DPYD: variants seen among roughly 807,000 people sequenced by gnomAD.
DPYD encodes dihydropyrimidine dehydrogenase [NADP(+)].
In DPYD, 109 loss-of-function variants were observed where a neutral mutation model predicts 116.2. That is an observed-to-expected ratio of 0.94 (90% CI 0.80 to 1.10). The LOEUF is 1.10. Among genes scored for constraint, DPYD ranks in the 50% least tolerant of loss-of-function variants. The probability of loss-of-function intolerance (pLI) is 0.00; values close to 1 mark genes in which losing one functional copy is unlikely to be tolerated. For missense variants in DPYD, 1,302 were observed against 1,254.5 expected (o/e 1.04, Z -0.57); for synonymous variants, 440 against 432.0 (o/e 1.02, Z -0.23).
chr1:97,316,513 C>CAATAAAATAAAATAAAATAA (rs57832711), intron 16 of DPYD, among the ~76,000 whole-genome samples: 7,538 of 124,258 alleles, frequency 0.061, 462 homozygotes, highest in Admixed American at 0.15. Context: ...GACTCTGTCT[C>CAATAAAATAAAATAAAATAA]AATAAAATAA....
In DPYD at chr1:97,805,334, C is replaced by T. The variant is rs114526625; in HGVS notation, c.233+22780G>A. On this transcript the variant is annotated intron_variant, in intron 3 of 22. Transcript: ENST00000370192. Reference sequence around the variant, plus strand: ...ATAGAACATGAACATAGAGTGAGAACAGGACCAGGCACGAAACTTTCTTAC... The same window carrying T: ...ATAGAACATGAACATAGAGTGAGAATAGGACCAGGCACGAAACTTTCTTAC... Among the ~76,000 whole-genome samples the T allele has an allele frequency of 5.0e-3, 763 of 151,888 alleles. 7 individuals carry two copies. The highest frequency in any genetic ancestry group is 0.017 in the African/African-American group (707 of 41,498).
At chr1:97,117,412 T>C (rs1041549244) in intron 20 of DPYD, among the ~76,000 whole-genome samples, 1 of 152,226 alleles carries the variant, frequency 6.6e-6, no homozygotes, top group African/African-American at 2.4e-5. Context: ...TTTATTGCTA[T>C]ATAACTGCAG....
chr1:97,261,674 T>G (rs1047738084), intron 18 of DPYD, among the ~76,000 whole-genome samples: 3 of 151,984 alleles, frequency 2.0e-5, no homozygotes, highest in African/African-American at 7.2e-5. Context: ...AGTTAAGAGA[T>G]AAAACTGTGT....
At chr1:97,335,631 A>G (rs71512508) in intron 16 of DPYD, among the ~76,000 whole-genome samples, 2,332 of 152,252 alleles carry the variant, frequency 0.015, 37 homozygotes, top group South Asian at 0.024. Flanking sequence ...AAAGAGTTCC[A>G]TTTACCACAG....
At chr1:97,289,575 A>G (rs1665987348) in intron 18 of DPYD, among the ~76,000 whole-genome samples, 1 of 151,964 alleles carries the variant, frequency 6.6e-6, no homozygotes, top group South Asian at 2.1e-4. Context: ...AAACAGAACC[A>G]AAGACAAAAA....
chr1:97,704,143 G>C (rs1388377367), intron 5 of DPYD, among the ~76,000 whole-genome samples: 1 of 151,962 alleles, frequency 6.6e-6, no homozygotes, highest in Non-Finnish European at 1.5e-5. Flanking sequence ...TTTTTTAACT[G>C]AAATACAAGT....
chr1:97,414,908 G>A (rs2101678740), intron 14 of DPYD, among the ~76,000 whole-genome samples: 1 of 152,080 alleles, frequency 6.6e-6, no homozygotes, highest in African/African-American at 2.4e-5. Flanking sequence ...TTTTTTTTAG[G>A]CAACTGCAAA....
intron 18 of DPYD, among the ~76,000 whole-genome samples, chr1:97,277,456 T>C (rs1230792447): frequency 2.6e-5 from 4 of 152,142 alleles, no homozygotes; most frequent in Non-Finnish European, 5.9e-5. Flanking sequence ...AAATGAACTA[T>C]TGATCCTCCT....
At chr1:97,193,379 C>A in intron 19 of DPYD, 131 bp from the exon 20 acceptor site, 1 of 916,360 alleles carries the variant, frequency 1.1e-6, no homozygotes, top group Non-Finnish European at 1.7e-6. Context: ...GGATCAGTAG[C>A]CGTCTGGAGA....
intron 1 of DPYD, among the ~76,000 whole-genome samples, chr1:97,915,560 G>A (rs914469467): frequency 6.6e-6 from 1 of 151,984 alleles, no homozygotes; most frequent in Non-Finnish European, 1.5e-5. Context: ...TGATATTTGA[G>A]GCCAAAAACA....
chr1:97,187,826 G>A (rs1658101138), intron 20 of DPYD, among the ~76,000 whole-genome samples: 4 of 152,088 alleles, frequency 2.6e-5, no homozygotes, highest in Non-Finnish European at 2.9e-5. Context: ...ATTGAAAAAG[G>A]TGTCCTTGTC....
At chr1:97,569,607 TC>T (rs1031387410) in intron 11 of DPYD, among the ~76,000 whole-genome samples, 1 of 151,774 alleles carries the variant, frequency 6.6e-6, no homozygotes, top group Non-Finnish European at 1.5e-5. Context: ...AACAACAAAA[TC>T]CCAAGTTAAT....
intron 13 of DPYD, among the ~76,000 whole-genome samples, chr1:97,481,612 T>C (rs1302027415): frequency 6.6e-6 from 1 of 152,162 alleles, no homozygotes; most frequent in Admixed American, 6.5e-5. Flanking sequence ...AGTGAGTTAA[T>C]AATACCAAAG....
At chr1:97,436,398 G>T (rs1460268356) in intron 14 of DPYD, among the ~76,000 whole-genome samples, 1 of 151,872 alleles carries the variant, frequency 6.6e-6, no homozygotes, top group Admixed American at 6.6e-5. Context: ...TTTATAAATT[G>T]TTTCCATTGC....
chr1:97,692,396 A>G lies in DPYD; in HGVS notation c.681-598T>C, dbSNP rs531436471. ...AGTTCAGTCATTAAAAAACAATTCTATTGTATATTAATGCCTATTGCCTGC... is the reference window on the plus strand; with the variant it reads ...AGTTCAGTCATTAAAAAACAATTCTGTTGTATATTAATGCCTATTGCCTGC... On this transcript the variant is annotated intron_variant, in intron 6 of 22. Coordinates refer to ENST00000370192, the MANE Select transcript of DPYD (RefSeq NM_000110.4). Among the ~76,000 whole-genome samples, 6 of 152,148 alleles carry G rather than the reference A, an allele frequency of 3.9e-5. No homozygotes were observed. In the South Asian group the frequency reaches 1.2e-3, roughly 32 times the overall value.
chr1:97,382,814 T>C (rs1383620533), intron 14 of DPYD, among the ~76,000 whole-genome samples: 1 of 152,130 alleles, frequency 6.6e-6, no homozygotes, highest in East Asian at 1.9e-4. Flanking sequence ...CGTGAAGGGA[T>C]TGTCTAATTA....
At chr1:97,518,949 G>A (rs1344076545) in intron 12 of DPYD, among the ~76,000 whole-genome samples, 6 of 152,016 alleles carry the variant, frequency 3.9e-5, no homozygotes, top group East Asian at 3.9e-4. Flanking sequence ...TTTGCTGTAC[G>A]TTTCTGTTTA....
At chr1:97,892,807 A>T (rs1010775304) in intron 1 of DPYD, among the ~76,000 whole-genome samples, 2 of 151,840 alleles carry the variant, frequency 1.3e-5, no homozygotes, top group South Asian at 4.1e-4. Flanking sequence ...TTTATGAAGG[A>T]AAGAATCTCT....
chr1:97,880,041 G>A (rs1672123288), intron 2 of DPYD, among the ~76,000 whole-genome samples: 1 of 151,548 alleles, frequency 6.6e-6, no homozygotes, highest in Admixed American at 6.6e-5. Flanking sequence ...TATATAGAGA[G>A]AGATATATGT....
Sources: allele counts gnomAD v4.1 joint callset (sites outside exome capture counted in the v4.1 genomes callset), GRCh38; gene constraint gnomAD v4.1.1; transcripts MANE v1.5; gene names NCBI Gene and HGNC (gene_info 2026-07-23, HGNC 2026-07-21).